MGRN1: variants seen among roughly 807,000 people sequenced by gnomAD.
MGRN1 encodes the protein mahogunin ring finger 1.
MGRN1 carries 29 observed loss-of-function variants against 69.2 expected under a neutral mutation model. That is an observed-to-expected ratio of 0.42 (90% CI 0.31 to 0.57). The LOEUF (loss-of-function observed/expected upper bound fraction) is 0.57, where lower values mean the gene tolerates loss of function less well. MGRN1 is among the 20% of genes least tolerant of loss of function. The probability of loss-of-function intolerance (pLI) is 0.15; values close to 1 mark genes in which losing one functional copy is unlikely to be tolerated. For missense variants in MGRN1, 998 were observed against 796.2 expected (o/e 1.25, Z -3.05); for synonymous variants, 470 against 344.2 (o/e 1.37, Z -4.04).
At chr16:4,627,680 G>A (rs770542579) in intron 1 of MGRN1, among the ~76,000 whole-genome samples, 3 of 151,594 alleles carry the variant, frequency 2.0e-5, no homozygotes, top group Admixed American at 6.6e-5. Flanking sequence ...TCCCAGCTAC[G>A]CGGGAGGCTG....
intron 5 of MGRN1, chr16:4,664,464 T>A: frequency 1.8e-6 from 1 of 568,944 alleles, no homozygotes. Context: ...ATTATAGATG[T>A]ACTTTACTCA....
chr16:4,650,814 T>G, intron 2 of MGRN1: 1 of 205,360 alleles, frequency 4.9e-6, no homozygotes. Flanking sequence ...AAGGCAAAAA[T>G]AGTATTTACA....
At chr16:4,673,398 C>T in intron 9 of MGRN1, 100 bp from the exon 10 acceptor site, 21 of 1,469,206 alleles carry the variant, frequency 1.4e-5, no homozygotes, top group Non-Finnish European at 1.9e-5. Context: ...TGACAGCCCC[C>T]AGGGTAGGGT....
chr16:4,669,081 CTCTTCAGTAG>C (rs2078881296), intron 8 of MGRN1: 1 of 152,390 alleles, frequency 6.6e-6, no homozygotes, highest in Non-Finnish European at 1.5e-5. Context: ...CACACACACA[CTCTTCAGTAG>C]TCTTCATGCA....
chr16:4,639,280 G>A (rs1221631598), intron 1 of MGRN1, among the ~76,000 whole-genome samples: 1 of 152,188 alleles, frequency 6.6e-6, no homozygotes, highest in African/African-American at 2.4e-5. Context: ...GGAGAATGGC[G>A]GCGGGAGCGT....
At chr16:4,688,422 A>C (rs2079383104) in intron 16 of MGRN1, 3 of 1,038,968 alleles carry the variant, frequency 2.9e-6, no homozygotes, top group Non-Finnish European at 3.5e-6. Flanking sequence ...GTTCCACCCT[A>C]ACCCAGCCGT....
intron 5 of MGRN1, among the ~76,000 whole-genome samples, chr16:4,661,523 T>A (rs1267111196): frequency 6.6e-6 from 1 of 152,208 alleles, no homozygotes; most frequent in African/African-American, 2.4e-5. Context: ...TTTTGCCAAA[T>A]GGGGAAACTG....
intron 10 of MGRN1, 54 bp downstream of exon 10, chr16:4,673,711 C>A: frequency 1.3e-6 from 2 of 1,594,282 alleles, no homozygotes; most frequent in Non-Finnish European, 1.7e-6. Flanking sequence ...AGGGACTGGC[C>A]ACACCACGGT....
intron 3 of MGRN1, among the ~76,000 whole-genome samples, chr16:4,652,448 G>C (rs2078430438): frequency 6.6e-6 from 1 of 152,168 alleles, no homozygotes; most frequent in South Asian, 2.1e-4. Flanking sequence ...ATCTGGGGCT[G>C]TCTCTGAACC....
chr16:4,665,377 T>C (rs1158365224), intron 7 of MGRN1, among the ~76,000 whole-genome samples: 3 of 148,910 alleles, frequency 2.0e-5, no homozygotes, highest in Non-Finnish European at 4.5e-5. Context: ...TTTTTTTTTT[T>C]CTTTCCTGAG....
rs765876734 is a variant in MGRN1 at position 4,682,942 on chromosome 16, C to G, written c.1478C>G (p.Pro493Arg). 2.0e-5 allele frequency: 31 copies of G among 1,574,726 alleles called. No homozygotes were observed. The highest frequency in any genetic ancestry group is 2.5e-5 in the Non-Finnish European group (29 of 1,157,952). Residue 493 changes from proline (P) to arginine (R), a missense_variant, in exon 14 of 17, where the codon CCT becomes CGT. Coordinates refer to ENST00000262370, the MANE Select transcript of MGRN1 (RefSeq NM_015246.4). The part of the protein sequence containing the change: ...AELALRESSS[P>R]ESFITEEVDE... ...CTGGCCCTGCGGGAAAGCAGCTCCC[C>G]TGAGGTGAGGCCCCCCCGGGGAAGC...
chr16:4,657,824 C>T (rs2078585261), intron 5 of MGRN1, among the ~76,000 whole-genome samples: 1 of 136,100 alleles, frequency 7.3e-6, no homozygotes, highest in Non-Finnish European at 1.5e-5. Flanking sequence ...CGGATCACTA[C>T]AACCTCTGCC....
intron 8 of MGRN1, among the ~76,000 whole-genome samples, chr16:4,670,818 C>T (rs79546424): frequency 0.015 from 2,279 of 152,374 alleles, 32 homozygotes; most frequent in Non-Finnish European, 0.023. Flanking sequence ...AGCTGACCAG[C>T]AGGCCCTGGG....
At chr16:4,650,042 C>A (rs2141877394) in intron 1 of MGRN1, 1 of 208,592 alleles carries the variant, frequency 4.8e-6, no homozygotes, top group African/African-American at 2.4e-5. Flanking sequence ...GTGGCTCATA[C>A]CTGTAATCCC....
At chr16:4,660,781 T>G (rs1370194828) in intron 5 of MGRN1, among the ~76,000 whole-genome samples, 1 of 61,370 alleles carries the variant, frequency 1.6e-5, no homozygotes, top group African/African-American at 3.6e-5. Flanking sequence ...GTGGACTCAG[T>G]GGAGTGGGCA....
At chr16:4,647,554 C>T (rs2078300362) in intron 1 of MGRN1, among the ~76,000 whole-genome samples, 1 of 152,220 alleles carries the variant, frequency 6.6e-6, no homozygotes, top group South Asian at 2.1e-4. Flanking sequence ...GTGGGCGTGT[C>T]CTTCCAGAAC....
rs1898031636 is a variant in MGRN1 at position 4,632,011 on chromosome 16, T to A, written c.88+6963T>A. Among the ~76,000 whole-genome samples, 3 of 129,820 alleles carry A rather than the reference T, an allele frequency of 2.3e-5. No individual in the cohort carries two copies. The South Asian group carries it at 7.5e-4, about 33-fold the overall frequency. 85.2% of individuals were successfully genotyped at this position (129,820 alleles called of 152,430 possible). On this transcript the variant is annotated intron_variant, in intron 1 of 16. Coordinates refer to ENST00000262370, the MANE Select transcript of MGRN1 (RefSeq NM_015246.4). ...CTAGTAGTGATAAAAAATTTCCTTT[T>A]TTTTTTTTTTTTTTTTTTTTGAGAT...
chr16:4,688,685 G>T (rs2079390184), intron 16 of MGRN1, 111 bp from the exon 17 acceptor site: 2 of 1,452,030 alleles, frequency 1.4e-6, no homozygotes, highest in East Asian at 5.0e-5. Flanking sequence ...CAGGCGGCGG[G>T]AGTGGGGGTG....
At chr16:4,647,980 G>A (rs2078309547) in intron 1 of MGRN1, among the ~76,000 whole-genome samples, 3 of 152,118 alleles carry the variant, frequency 2.0e-5, no homozygotes, top group African/African-American at 7.2e-5. Context: ...TGTGCCAACT[G>A]TAACTGGGGC....
Sources: allele counts gnomAD v4.1 joint callset (sites outside exome capture counted in the v4.1 genomes callset), GRCh38; gene constraint gnomAD v4.1.1; transcripts MANE v1.5; gene names NCBI Gene and HGNC (gene_info 2026-07-23, HGNC 2026-07-21).